The following OLFML2B variants were observed in gnomAD, a reference collection of about 807,000 sequenced individuals.
The protein encoded by OLFML2B is olfactomedin like 2B, also known as olfactomedin-like protein 2B.
OLFML2B carries 57 observed loss-of-function variants against 74.9 expected under a neutral mutation model. The ratio of observed to expected loss-of-function variants is 0.76; its 90% CI spans 0.61 to 0.95. The LOEUF (loss-of-function observed/expected upper bound fraction) is 0.95. Among genes scored for constraint, OLFML2B ranks in the 40% least tolerant of loss-of-function variants. The pLI, the probability that OLFML2B is intolerant of heterozygous loss-of-function variation, is 0.00. For synonymous variants in OLFML2B, 388 were observed against 405.8 expected, an observed-to-expected ratio of 0.96 and a Z score of 0.53; for missense variants, 986 against 970.6, an observed-to-expected ratio of 1.02 and a Z score of -0.21.
intron 6 of OLFML2B, among the ~76,000 whole-genome samples, chr1:161,987,479 A>G (rs887423015): frequency 2.6e-5 from 4 of 152,208 alleles, no homozygotes; most frequent in African/African-American, 7.2e-5. Flanking sequence ...AATGTGATGA[A>G]AAAAGCAAAG....
chr1:161,986,903 G>A (rs1334258607), intron 6 of OLFML2B, among the ~76,000 whole-genome samples: 1 of 152,250 alleles, frequency 6.6e-6, no homozygotes, highest in Non-Finnish European at 1.5e-5. Flanking sequence ...TCTGTCTGGG[G>A]ATTACCATGG....
chr1:162,000,421 G>T (rs1159564221), intron 4 of OLFML2B, 83 bp from the exon 5 acceptor site: 12 of 1,131,940 alleles, frequency 1.1e-5, no homozygotes, highest in Non-Finnish European at 1.4e-5. Flanking sequence ...CTGGAGCCAA[G>T]GCTGTGCTAA....
At chr1:162,000,019 G>C in intron 5 of OLFML2B, 94 bp downstream of exon 5, 1 of 883,550 alleles carries the variant, frequency 1.1e-6, no homozygotes. Context: ...TGTATGGAGG[G>C]GTGTATGGCT....
At chr1:161,997,708 G>A (rs1361132125) in intron 6 of OLFML2B, 117 bp downstream of exon 6, 1 of 1,099,932 alleles carries the variant, frequency 9.1e-7, no homozygotes, top group Non-Finnish European at 1.3e-6. Flanking sequence ...AACTCCACTT[G>A]CCATTCCCAT....
At chr1:161,997,469 C>T (rs1048373601) in intron 6 of OLFML2B, among the ~76,000 whole-genome samples, 1 of 152,138 alleles carries the variant, frequency 6.6e-6, no homozygotes, top group African/African-American at 2.4e-5. Context: ...GCTTGGTAAA[C>T]TTACCACAGA....
intron 5 of OLFML2B, among the ~76,000 whole-genome samples, chr1:161,998,627 C>T (rs566969851): frequency 8.6e-6 from 1 of 116,870 alleles, no homozygotes; most frequent in East Asian, 2.4e-4. Flanking sequence ...GTCCTGAACC[C>T]CGATGGCTGG....
intron 4 of OLFML2B, among the ~76,000 whole-genome samples, chr1:162,002,942 A>G (rs1240661906): frequency 6.6e-6 from 1 of 152,212 alleles, no homozygotes; most frequent in African/African-American, 2.4e-5. Flanking sequence ...TTTAACCCTT[A>G]CAACAATGGG....
At chr1:161,989,559 AG>A (rs1689678343) in intron 6 of OLFML2B, among the ~76,000 whole-genome samples, 1 of 152,196 alleles carries the variant, frequency 6.6e-6, no homozygotes, top group East Asian at 1.9e-4. Context: ...CCGTAAACCC[AG>A]GGCTGGCTTT....
At position 161,998,237 on chromosome 1, in the gene OLFML2B, C is replaced by T. The variant is rs2101958709; in HGVS notation, c.1062G>A (p.Gln354=). 1 of 1,612,432 alleles carries T rather than the reference C, an allele frequency of 6.2e-7. No homozygotes were observed. Among genetic ancestry groups the T allele is most frequent in the Non-Finnish European group, 8.5e-7 (1 of 1,178,672 alleles). ...CGCTTGTCACAGCAGTGCTGTGTCCCTGACGGGTGGCTGCAGGCCTCCGGG... is the reference window on the plus strand; with the variant it reads ...CGCTTGTCACAGCAGTGCTGTGTCCTTGACGGGTGGCTGCAGGCCTCCGGG... The part of the protein sequence containing the change: ...SVTRRPAATR[Q]GHSTAVTSDL... The change falls in exon 6 of 8, where the codon CAG becomes CAA. Residue 354 remains glutamine (Q), a synonymous_variant. Transcript: ENST00000294794.
rs1690037063 is a variant in OLFML2B, at chr1:162,000,037, A to C, written c.949+76T>G. ...ATGGAGGGGTGTATGGCTCCCAGGA[A>C]TCCAGCCCACTATGGTCCAAATGGT... On this transcript the variant is annotated intron_variant, in intron 5 of 7. Transcript: ENST00000294794. The C allele has an allele frequency of 1.1e-5, 13 of 1,146,806 alleles. No individual in the cohort carries two copies. In the South Asian group the frequency reaches 1.7e-4, roughly 15 times the overall value. 71.0% of individuals were successfully genotyped at this position (1,146,806 alleles called of 1,614,324 possible). A position where few individuals can be genotyped will look rare whatever the true frequency, so the allele number is the denominator to read the frequency against.
At chr1:162,012,093 C>T (rs1571306985) in intron 3 of OLFML2B, among the ~76,000 whole-genome samples, 1 of 152,126 alleles carries the variant, frequency 6.6e-6, no homozygotes, top group Non-Finnish European at 1.5e-5. Context: ...TGCCTTTTCA[C>T]GTATAAGGAC....
At chr1:161,997,186 C>CAA (rs1689935489) in intron 6 of OLFML2B, among the ~76,000 whole-genome samples, 3 of 152,176 alleles carry the variant, frequency 2.0e-5, no homozygotes. Flanking sequence ...AACTCTTATT[C>CAA]ATCCTTCAAA....
In OLFML2B at chr1:162,023,843, G is replaced by T; in HGVS notation, c.-413C>A. 1 of 157,844 alleles carries T rather than the reference G, an allele frequency of 6.3e-6. No homozygotes were observed. Among genetic ancestry groups the T allele is most frequent in the South Asian group, 1.9e-4 (1 of 5,164 alleles). The allele number at this position is 157,844 out of a possible 1,614,324, so 9.8% of individuals were successfully genotyped here. ...CGGACACGGGGAGGGAAGAGGCGGT[G>T]GCGGCGCGGGCTGCTGGGCGAGGGC... On this transcript the variant is annotated 5_prime_UTR_variant, in exon 1 of 8. Transcript: ENST00000294794.
At chr1:161,988,745 C>T (rs780040241) in intron 6 of OLFML2B, among the ~76,000 whole-genome samples, 1 of 152,100 alleles carries the variant, frequency 6.6e-6, no homozygotes, top group Non-Finnish European at 1.5e-5. Context: ...ATTCTTCCTG[C>T]AGACTCAGCT....
At chr1:162,021,709 G>C (rs1287313262) in intron 1 of OLFML2B, among the ~76,000 whole-genome samples, 1 of 152,238 alleles carries the variant, frequency 6.6e-6, no homozygotes, top group Non-Finnish European at 1.5e-5. Flanking sequence ...TTAAGCGGCT[G>C]TTCTTTACGG....
Position 161,983,957 on chromosome 1 carries a change from G to C in OLFML2B, c.1971C>G (p.Ser657Arg). ...TGCGCCATGTGGTCTCCTTCTGTGT[G>C]CTCAGGTCCGCGGCATTGAGCTTGC... is the stretch of plus-strand genomic sequence containing the variant. ...VLSKLNAADL[S>R]TQKETTWRTG... The change falls in exon 8 of 8, where the codon AGC becomes AGG. Residue 657 changes from serine (S) to arginine (R), a missense_variant. Coordinates refer to ENST00000294794, the MANE Select transcript of OLFML2B (RefSeq NM_015441.3). The C allele has an allele frequency of 6.2e-7, 1 of 1,614,228 alleles. No individual in the cohort carries two copies. The highest frequency in any genetic ancestry group is 8.5e-7 in the Non-Finnish European group (1 of 1,180,046).
At chr1:162,010,585 T>C (rs1357105332) in intron 3 of OLFML2B, among the ~76,000 whole-genome samples, 1 of 152,190 alleles carries the variant, frequency 6.6e-6, no homozygotes, top group Non-Finnish European at 1.5e-5. Context: ...GACCGTATCC[T>C]GACCTTGTCC....
At chr1:162,016,010 G>A (rs928240371) in intron 3 of OLFML2B, among the ~76,000 whole-genome samples, 3 of 152,200 alleles carry the variant, frequency 2.0e-5, no homozygotes, top group African/African-American at 7.2e-5. Context: ...TCATAGCATT[G>A]GAGGAGCTAA....
rs115206896 is a variant in OLFML2B, at chr1:162,017,400, C to G, written c.546G>C (p.Glu182Asp). 247 of 1,609,268 alleles carry G rather than the reference C, an allele frequency of 1.5e-4. 1 individual carries two copies. In the African/African-American group the frequency reaches 3.0e-3, roughly 20 times the overall value. Residue 182 changes from glutamate (E) to aspartate (D), a missense_variant and splice_region_variant, in exon 3 of 8, where the codon GAG becomes GAC. By Grantham distance (45) the Glu-to-Asp change is conservative (BLOSUM62 2). Transcript: ENST00000294794. ...ATATAGAAACCAGAATCTTCCTTAC[C>G]TCCTCCAGTTTATCCACTCGCCCCA... The part of the protein sequence containing the change: ...KLVGRVDKLE[E>D]EVSKNLTKEN...
Sources: allele counts gnomAD v4.1 joint callset (sites outside exome capture counted in the v4.1 genomes callset), GRCh38; gene constraint gnomAD v4.1.1; transcripts MANE v1.5; gene names NCBI Gene and HGNC (gene_info 2026-07-23, HGNC 2026-07-21).